The following ASH2L variants were observed in gnomAD, a reference collection of about 807,000 sequenced individuals.
The protein encoded by ASH2L is set1/Ash2 histone methyltransferase complex subunit ASH2.
Under a neutral mutation model 81.1 loss-of-function variants are expected in ASH2L, and 30 were observed. The ratio of observed to expected loss-of-function variants is 0.37; its 90% CI spans 0.28 to 0.50. The LOEUF is 0.50. Ranked by LOEUF, ASH2L falls within the 20% of genes least tolerant of loss-of-function variation. The pLI is 0.95. For synonymous variants in ASH2L, 273 were observed against 279.9 expected (o/e 0.98, Z 0.24); for missense variants, 559 against 792.1 (o/e 0.71, Z 3.53).
intron 13 of ASH2L, among the ~76,000 whole-genome samples, chr8:38,135,140 C>G (rs892537540): frequency 1.3e-5 from 2 of 152,136 alleles, no homozygotes; most frequent in African/African-American, 4.8e-5. Context: ...ATCCTCTCTC[C>G]TCGGCCTCCC....
At chr8:38,117,464 T>C in intron 8 of ASH2L, 2 of 985,470 alleles carry the variant, frequency 2.0e-6, no homozygotes, top group Non-Finnish European at 2.4e-6. Context: ...GGAGCCACTT[T>C]TGGAGGTGAA....
intron 10 of ASH2L, among the ~76,000 whole-genome samples, chr8:38,124,926 A>G (rs1801773106): frequency 6.6e-6 from 1 of 152,208 alleles, no homozygotes; most frequent in Admixed American, 6.5e-5. Context: ...ATGTCCAGTC[A>G]TGGTAGAAGG....
At chr8:38,128,989 AG>A in intron 12 of ASH2L, 38 bp downstream of exon 12, 1 of 1,594,432 alleles carries the variant, frequency 6.3e-7, no homozygotes, top group Non-Finnish European at 8.5e-7. Flanking sequence ...CTGGCTTTGA[AG>A]GCCTGTGGCA....
intron 4 of ASH2L, 38 bp downstream of exon 4, chr8:38,110,505 C>T (rs201749267): frequency 6.0e-5 from 94 of 1,571,098 alleles, no homozygotes; most frequent in Non-Finnish European, 7.6e-5. Flanking sequence ...GATGATTATC[C>T]ACTGGAAAAG....
chr8:38,135,494 A>G (rs1464836667), intron 13 of ASH2L, among the ~76,000 whole-genome samples, 174 bp from the exon 14 acceptor site: 1 of 152,164 alleles, frequency 6.6e-6, no homozygotes, highest in Non-Finnish European at 1.5e-5. Flanking sequence ...CATGCTTTGA[A>G]AAATCGAAAG....
chr8:38,119,189 G>C, intron 8 of ASH2L, 81 bp from the exon 9 acceptor site: 1 of 1,242,398 alleles, frequency 8.0e-7, no homozygotes, highest in Admixed American at 2.1e-5. Context: ...CACATTGGGT[G>C]TGTTGGTCCC....
intron 3 of ASH2L, 24 bp from the exon 4 acceptor site, chr8:38,110,355 T>G: frequency 1.3e-6 from 2 of 1,560,192 alleles, no homozygotes; most frequent in Non-Finnish European, 1.8e-6. Context: ...GTTCACTAAT[T>G]CGTATAATTT....
intron 14 of ASH2L, chr8:38,138,533 G>A (rs1323807238): frequency 8.4e-6 from 3 of 359,144 alleles, no homozygotes; most frequent in Admixed American, 8.9e-5. Flanking sequence ...GCATGACTCA[G>A]CTTTCAGCTT....
At chr8:38,114,720 C>T (rs1810822673) in intron 6 of ASH2L, 185 bp from the exon 7 acceptor site, 2 of 562,574 alleles carry the variant, frequency 3.6e-6, no homozygotes, top group African/African-American at 1.9e-5. Flanking sequence ...AACTTGGGCA[C>T]TCTTTGTGTT....
rs533589091 is a variant in ASH2L, at chr8:38,123,759, C to G, written c.1165+2610C>G. Among the ~76,000 whole-genome samples, 5 of 152,332 alleles carry G rather than the reference C, an allele frequency of 3.3e-5. No homozygotes were observed. The South Asian group carries it at 1.0e-3, about 32-fold the overall frequency. ...TTTCCACCATCTTCCCACTCACACTCTAGTTTCTAGTTTATCCTTGCTGTA... is the reference window on the plus strand; with the variant it reads ...TTTCCACCATCTTCCCACTCACACTGTAGTTTCTAGTTTATCCTTGCTGTA... On this transcript the variant is annotated intron_variant, in intron 10 of 15. Transcript: ENST00000343823.
At chr8:38,118,455 G>A (rs1356702624) in intron 8 of ASH2L, among the ~76,000 whole-genome samples, 7 of 152,152 alleles carry the variant, frequency 4.6e-5, no homozygotes, top group African/African-American at 1.7e-4. Context: ...CTTCCTTGTG[G>A]CTTTAGTATG....
At chr8:38,111,183 G>A (rs777683609) in intron 5 of ASH2L, among the ~76,000 whole-genome samples, 1 of 152,006 alleles carries the variant, frequency 6.6e-6, no homozygotes, top group African/African-American at 2.4e-5. Flanking sequence ...CACTGGCTTC[G>A]GCCTCCCAAA....
intron 9 of ASH2L, 137 bp from the exon 10 acceptor site, chr8:38,120,795 T>C (rs1271011750): frequency 8.7e-6 from 6 of 685,812 alleles, no homozygotes; most frequent in South Asian, 3.7e-5. Context: ...GAGTTACTTA[T>C]TTGAGTAATG....
intron 14 of ASH2L, among the ~76,000 whole-genome samples, chr8:38,136,102 ATTTT>A (rs772313591): frequency 0.011 from 1,086 of 97,684 alleles, 7 homozygotes; most frequent in African/African-American, 0.031. Flanking sequence ...GCTTACAATG[ATTTT>A]TTTTTTTTTT....
intron 8 of ASH2L, among the ~76,000 whole-genome samples, chr8:38,117,162 A>G (rs1442750340): frequency 6.6e-6 from 1 of 152,138 alleles, no homozygotes; most frequent in African/African-American, 2.4e-5. Flanking sequence ...TTAACCACCC[A>G]TTGCAGCTTG....
At chr8:38,128,514 G>A (rs548617037) in intron 11 of ASH2L, 56 bp downstream of exon 11, 1,028 of 1,584,314 alleles carry the variant, frequency 6.5e-4, no homozygotes, top group Non-Finnish European at 8.0e-4. Flanking sequence ...AGACCATCTG[G>A]CCAAGGGCTA....
At chr8:38,105,867 C>T in intron 1 of ASH2L, 129 bp downstream of exon 1, 2 of 1,442,190 alleles carry the variant, frequency 1.4e-6, no homozygotes, top group Non-Finnish European at 1.8e-6. Flanking sequence ...CGCCCTGCCT[C>T]TGCGCCGCTT....
At position 38,128,387 on chromosome 8, in the gene ASH2L, G is replaced by T; in HGVS notation, c.1262G>T (p.Trp421Leu). Residue 421 changes from tryptophan (W) to leucine (L), a missense_variant, in exon 11 of 16, where the codon TGG becomes TTG. Physicochemically the swap from Trp to Leu is moderately conservative, Grantham distance 61 (BLOSUM62 -2). Transcript: ENST00000343823. ...TCTCATGGAGTACGGAAAGGTGCCT[G>T]GTATTTTGAAATCACTGTGGATGAG... is the stretch of plus-strand genomic sequence containing the variant. ...RASHGVRKGA[W>L]YFEITVDEMP... 2.5e-6 allele frequency: 4 copies of T among 1,614,102 alleles called. No homozygotes were observed. The highest frequency in any genetic ancestry group is 3.4e-6 in the Non-Finnish European group (4 of 1,180,016).
In ASH2L at chr8:38,139,258, G is replaced by C. The variant is rs1292241019; in HGVS notation, c.*187G>C. 7.3e-6 allele frequency: 4 copies of C among 551,436 alleles called. No homozygotes were observed. Among genetic ancestry groups the C allele is most frequent in the Non-Finnish European group, 1.3e-5 (4 of 311,506 alleles). The allele number at this position is 551,436 out of a possible 1,614,324, so 34.2% of individuals were successfully genotyped here. The stretch of plus-strand genomic sequence containing the variant: ...TCACCATTTTCTCCCCACTTCCAGT[G>C]ACTGCTCTTATTTTGTGTACCATAA... On this transcript the variant is annotated 3_prime_UTR_variant, in exon 16 of 16. Coordinates refer to ENST00000343823, the MANE Select transcript of ASH2L (RefSeq NM_004674.5).
Sources: gnomAD v4.1 joint callset for allele counts (sites outside exome capture counted in the v4.1 genomes callset) on GRCh38, gnomAD v4.1.1 for gene constraint, MANE v1.5 for transcripts, NCBI Gene and HGNC (gene_info 2026-07-23, HGNC 2026-07-21) for gene names.